The following CAMTA1 variants were observed in gnomAD, a reference collection of about 807,000 sequenced individuals.
The protein encoded by CAMTA1 is calmodulin binding transcription activator 1.
In CAMTA1, 27 loss-of-function variants were observed where a neutral mutation model predicts 170.9. That is an observed-to-expected ratio of 0.16 (90% CI 0.12 to 0.22). CAMTA1 has a LOEUF of 0.22. Among genes scored for constraint, CAMTA1 ranks in the 10% least tolerant of loss-of-function variants. The pLI is 1.00. For synonymous variants in CAMTA1, 833 were observed against 891.5 expected (o/e 0.93, Z 1.17); for missense variants, 1,619 against 2,217.2 (o/e 0.73, Z 5.42).
intron 6 of CAMTA1, among the ~76,000 whole-genome samples, chr1:7,557,734 G>A (rs1425880110): frequency 3.9e-5 from 6 of 152,286 alleles, no homozygotes; most frequent in Non-Finnish European, 5.9e-5. Context: ...CACAGACACC[G>A]GGTGAGTTAG....
In CAMTA1 at chr1:7,281,800, TG is replaced by T. The variant is rs918153851; in HGVS notation, c.438+32175del. Among the ~76,000 whole-genome samples the T allele has an allele frequency of 1.3e-3, 9 of 7,066 alleles. No homozygotes were observed. In the Admixed American group the frequency reaches 0.02, roughly 15 times the overall value. The allele number at this position is 7,066 out of a possible 152,430, so 4.6% of individuals were successfully genotyped here. On this transcript the variant is annotated intron_variant, in intron 5 of 22. Coordinates refer to ENST00000303635, the MANE Select transcript of CAMTA1 (RefSeq NM_015215.4). ...GTTGTTTATGGAAGGGGAAAGAAAT[TG>T]TGTGTGTGTGTGTGTGTGTGTGTGT...
intron 3 of CAMTA1, among the ~76,000 whole-genome samples, chr1:7,017,791 CT>C (rs1700766208): frequency 1.3e-5 from 2 of 152,308 alleles, no homozygotes; most frequent in South Asian, 4.1e-4. Flanking sequence ...AGCCTGACCC[CT>C]GCCTGTTTTC....
chr1:7,384,881 C>T (rs1273366247), intron 5 of CAMTA1, among the ~76,000 whole-genome samples: 1 of 152,082 alleles, frequency 6.6e-6, no homozygotes, highest in African/African-American at 2.4e-5. Flanking sequence ...GCCTCTGCCT[C>T]CCTGTACCCG....
At chr1:7,764,850 C>G (rs1294214248) in intron 22 of CAMTA1, among the ~76,000 whole-genome samples, 1 of 151,896 alleles carries the variant, frequency 6.6e-6, no homozygotes, top group Non-Finnish European at 1.5e-5. Flanking sequence ...ATCCCAGCTA[C>G]TCGGGAGGCT....
At chr1:6,888,763 C>G (rs1673881499) in intron 3 of CAMTA1, among the ~76,000 whole-genome samples, 1 of 152,154 alleles carries the variant, frequency 6.6e-6, no homozygotes, top group South Asian at 2.1e-4. Context: ...TGTGTGTTGG[C>G]ATAGGCCAGA....
chr1:7,031,604 A>G (rs1191477470), intron 3 of CAMTA1, among the ~76,000 whole-genome samples: 2 of 152,062 alleles, frequency 1.3e-5, no homozygotes, highest in East Asian at 1.9e-4. Flanking sequence ...CAGTGGTGCA[A>G]TCTTGGTTCA....
chr1:7,745,482 C>T (rs113476149), intron 17 of CAMTA1, among the ~76,000 whole-genome samples: 1 of 152,186 alleles, frequency 6.6e-6, no homozygotes, highest in Non-Finnish European at 1.5e-5. Flanking sequence ...GCTGAGATTG[C>T]ACCACTGCAC....
chr1:7,633,891 T>C lies in CAMTA1; in HGVS notation c.511-6509T>C, dbSNP rs2095689739. Among the ~76,000 whole-genome samples the C allele has an allele frequency of 6.6e-6, 1 of 152,064 alleles. No homozygotes were observed. Among genetic ancestry groups the C allele is most frequent in the Non-Finnish European group, 1.5e-5 (1 of 68,002 alleles). On this transcript the variant is annotated intron_variant, in intron 6 of 22. Transcript: ENST00000303635. The surrounding 1 kb of genome is among the most constrained non-coding windows in gnomAD (Gnocchi z 4.1). Reference sequence around the variant, plus strand: ...TTGTCAACGGGGTTGCTGAATGAGGTTTCCACAAGAAAGTGACCTGGGACC... The same window carrying C: ...TTGTCAACGGGGTTGCTGAATGAGGCTTCCACAAGAAAGTGACCTGGGACC...
chr1:7,354,042 G>A (rs1460796213), intron 5 of CAMTA1, among the ~76,000 whole-genome samples: 1 of 152,118 alleles, frequency 6.6e-6, no homozygotes, highest in African/African-American at 2.4e-5. Context: ...ATTTGCTTAG[G>A]ATTATGGCCT....
At chr1:7,713,938 C>T (rs549885891) in intron 11 of CAMTA1, among the ~76,000 whole-genome samples, 2 of 152,196 alleles carry the variant, frequency 1.3e-5, no homozygotes, top group East Asian at 1.9e-4. Context: ...CGGTGAGCAC[C>T]GCAGCCACTC....
Position 7,153,629 on chromosome 1 carries a change from G to A in CAMTA1, c.302+62258G>A, listed in dbSNP as rs563119483. On this transcript the variant is annotated intron_variant, in intron 4 of 22. Transcript: ENST00000303635. ...GCCCAGGCGGGAGGGAAAAGATGAG[G>A]CGAGTGACCGGCAACCTCCCACCTG... Among the ~76,000 whole-genome samples, 6 of 152,240 alleles carry A rather than the reference G, an allele frequency of 3.9e-5. No homozygotes were observed. The East Asian group carries it at 1.2e-3, about 29-fold the overall frequency.
chr1:7,078,927 A>G (rs1639658770), intron 3 of CAMTA1, among the ~76,000 whole-genome samples: 1 of 152,226 alleles, frequency 6.6e-6, no homozygotes, highest in African/African-American at 2.4e-5. Context: ...AATATCATAC[A>G]GGAGAAGGCC....
intron 3 of CAMTA1, among the ~76,000 whole-genome samples, chr1:6,852,664 C>T (rs1049813512): frequency 1.3e-5 from 2 of 152,236 alleles, no homozygotes; most frequent in Non-Finnish European, 2.9e-5. Flanking sequence ...AGAACTTGCA[C>T]ACCCTCTCCA....
chr1:7,031,976 T>A (rs550081493), intron 3 of CAMTA1, among the ~76,000 whole-genome samples: 2 of 152,162 alleles, frequency 1.3e-5, no homozygotes, highest in Non-Finnish European at 2.9e-5. Flanking sequence ...ATTTATTTAT[T>A]TATTTTTGAG....
chr1:7,560,424 A>C (rs921618108), intron 6 of CAMTA1, among the ~76,000 whole-genome samples: 1 of 152,004 alleles, frequency 6.6e-6, no homozygotes, highest in Non-Finnish European at 1.5e-5. Flanking sequence ...TGGGAGCTGG[A>C]GCCGGGAACA....
At chr1:7,288,859 G>A (rs565359087) in intron 5 of CAMTA1, among the ~76,000 whole-genome samples, 1 of 152,278 alleles carries the variant, frequency 6.6e-6, no homozygotes, top group Admixed American at 6.5e-5. Context: ...TCAAAGTCAG[G>A]ATGAGTCTAT....
At chr1:6,863,865 G>A (rs1272064166) in intron 3 of CAMTA1, among the ~76,000 whole-genome samples, 2 of 152,204 alleles carry the variant, frequency 1.3e-5, no homozygotes, top group African/African-American at 2.4e-5. Context: ...AGGATGCCAC[G>A]TTACATCTAG....
At chr1:7,252,593 G>A (rs2149317274) in intron 5 of CAMTA1, among the ~76,000 whole-genome samples, 1 of 152,310 alleles carries the variant, frequency 6.6e-6, no homozygotes, top group South Asian at 2.1e-4. Flanking sequence ...CAGGAGGAGG[G>A]GGCTTCTGAG....
chr1:7,046,056 G>T (rs771465813), intron 3 of CAMTA1, among the ~76,000 whole-genome samples: 2 of 152,160 alleles, frequency 1.3e-5, no homozygotes, highest in Non-Finnish European at 2.9e-5. Flanking sequence ...GCCTTGGTTG[G>T]GAGGGGACCC....
Sources: gnomAD v4.1 joint callset for allele counts (sites outside exome capture counted in the v4.1 genomes callset) on GRCh38, gnomAD v4.1.1 for gene constraint, Gnocchi (gnomAD v3.1) non-coding constraint, MANE v1.5 for transcripts, NCBI Gene and HGNC (gene_info 2026-07-23, HGNC 2026-07-21) for gene names.